DENND4C: variants seen among roughly 807,000 people sequenced by gnomAD.
DENND4C encodes DENN domain-containing protein 4C.
A neutral mutation model predicts 203.0 loss-of-function variants in DENND4C; 108 were observed. That is an observed-to-expected ratio of 0.53 (90% CI 0.46 to 0.62). DENND4C has a LOEUF of 0.62. Ranked by LOEUF, DENND4C falls within the 20% of genes least tolerant of loss-of-function variation. The pLI is 0.00. For synonymous variants in DENND4C, 871 were observed against 792.4 expected, an observed-to-expected ratio of 1.10 and a Z score of -1.67; for missense variants, 2,481 against 2,301.2, an observed-to-expected ratio of 1.08 and a Z score of -1.60.
intron 10 of DENND4C, among the ~76,000 whole-genome samples, chr9:19,306,587 TGTGAAG>T (rs1839700176): frequency 6.6e-6 from 1 of 152,112 alleles, no homozygotes. Context: ...AATGATTATT[TGTGAAG>T]TTAATACTCA....
intron 26 of DENND4C, among the ~76,000 whole-genome samples, chr9:19,353,525 G>A (rs1824662490): frequency 6.6e-6 from 1 of 152,206 alleles, no homozygotes; most frequent in South Asian, 2.1e-4. Flanking sequence ...GCACCCGGGA[G>A]GCTGAGGCAG....
intron 2 of DENND4C, among the ~76,000 whole-genome samples, chr9:19,283,421 G>T (rs1161431403): frequency 6.6e-6 from 1 of 152,014 alleles, no homozygotes; most frequent in Non-Finnish European, 1.5e-5. Flanking sequence ...ATACTCTAAA[G>T]TAATGATAAA....
At chr9:19,348,809 CATTTT>C (rs1238854537) in intron 23 of DENND4C, among the ~76,000 whole-genome samples, 10 of 151,782 alleles carry the variant, frequency 6.6e-5, no homozygotes, top group Non-Finnish European at 1.2e-4. Flanking sequence ...AAAAGTGTAT[CATTTT>C]ATTTTATTTT....
At chr9:19,258,118 A>G (rs1828434216) in intron 1 of DENND4C, among the ~76,000 whole-genome samples, 1 of 96,114 alleles carries the variant, frequency 1.0e-5, no homozygotes, top group Non-Finnish European at 2.3e-5. Flanking sequence ...ACCCTGTCTC[A>G]AAAAATCAAT....
intron 2 of DENND4C, among the ~76,000 whole-genome samples, chr9:19,280,012 A>G (rs1460532352): frequency 2.0e-5 from 2 of 100,122 alleles, no homozygotes; most frequent in Non-Finnish European, 4.4e-5. Flanking sequence ...TAGGAAATAT[A>G]GGAAAAAGAT....
At chr9:19,355,509 C>G (rs889279434) in intron 26 of DENND4C, among the ~76,000 whole-genome samples, 2 of 152,176 alleles carry the variant, frequency 1.3e-5, no homozygotes, top group Non-Finnish European at 2.9e-5. Context: ...ATGTAACAAT[C>G]CAGTTATCCC....
chr9:19,250,514 C>T (rs955399898), intron 1 of DENND4C, among the ~76,000 whole-genome samples: 11 of 152,040 alleles, frequency 7.2e-5, no homozygotes, highest in African/African-American at 1.4e-4. Flanking sequence ...AAACGTGAGT[C>T]GCTGCACCCG....
At chr9:19,343,416 C>G (rs1751144282) in intron 22 of DENND4C, among the ~76,000 whole-genome samples, 1 of 152,218 alleles carries the variant, frequency 6.6e-6, no homozygotes, top group South Asian at 2.1e-4. Flanking sequence ...GGCCTGCATC[C>G]TTTGCCCTTC....
chr9:19,311,276 A>G (rs1018302914), intron 10 of DENND4C, among the ~76,000 whole-genome samples: 4 of 152,044 alleles, frequency 2.6e-5, no homozygotes, highest in Non-Finnish European at 5.9e-5. Flanking sequence ...GGCATGCACC[A>G]TCATGCCTGG....
rs1169163440 is a variant in DENND4C at position 19,357,880 on chromosome 9, G to A, written c.4965-85G>A. 4.7e-6 allele frequency: 5 copies of A among 1,068,570 alleles called. No homozygotes were observed. The African/African-American group carries it at 4.8e-5, about 10-fold the overall frequency. The allele number at this position is 1,068,570 out of a possible 1,614,324, so 66.2% of individuals were successfully genotyped here. A position where few individuals can be genotyped will look rare whatever the true frequency, so the allele number is the denominator to read the frequency against. ...CTTAGATATATTTAGTAGACTCAAG[G>A]TCCATTGTAGAAAATACTCTAGCTC... On this transcript the variant is annotated intron_variant, in intron 27 of 32. Transcript: ENST00000434457.
At chr9:19,264,366 G>T (rs1285428942) in intron 1 of DENND4C, among the ~76,000 whole-genome samples, 2 of 151,996 alleles carry the variant, frequency 1.3e-5, no homozygotes, top group African/African-American at 4.8e-5. Flanking sequence ...GAATGCAGTG[G>T]CGCAATTTCG....
Position 19,373,426 on chromosome 9 carries a change from A to G in DENND4C, c.*1253A>G, listed in dbSNP as rs955655667. The G allele has an allele frequency of 6.5e-6, 1 of 152,784 alleles. No homozygotes were observed. Among genetic ancestry groups the G allele is most frequent in the Middle Eastern group, 3.4e-3 (1 of 294 alleles). The allele number at this position is 152,784 out of a possible 1,614,324, so 9.5% of individuals were successfully genotyped here. A position where few individuals can be genotyped will look rare whatever the true frequency, so the allele number is the denominator to read the frequency against. On this transcript the variant is annotated 3_prime_UTR_variant, in exon 33 of 33. Coordinates refer to ENST00000434457, the MANE Select transcript of DENND4C (RefSeq NM_001330640.2). ...GAACATGAAATCTTTTTTCAGGCAC[A>G]TACATTGTTGGTATTGATGACTTTT... is the stretch of plus-strand genomic sequence containing the variant.
At chr9:19,244,185 C>T (rs774576077) in intron 1 of DENND4C, among the ~76,000 whole-genome samples, 20 of 152,118 alleles carry the variant, frequency 1.3e-4, no homozygotes, top group Non-Finnish European at 2.8e-4. Flanking sequence ...TGCACACCAT[C>T]ACACCTGGCT....
In DENND4C at chr9:19,346,951, G is replaced by A. The variant is rs770067609; in HGVS notation, c.4182G>A (p.Leu1394=). 2.5e-6 allele frequency: 4 copies of A among 1,614,036 alleles called. No individual in the cohort carries two copies. The highest frequency in any genetic ancestry group is 2.7e-5 in the African/African-American group (2 of 74,912). The part of the protein sequence containing the change: ...HGSLGSVVNS[L]SGLKLDNILS... The stretch of plus-strand genomic sequence containing the variant: ...CGTTGGGTTCTGTAGTAAATTCTTT[G>A]TCAGGGCTAAAGCTGGATAATATAC... The change falls in exon 23 of 33, where the codon TTG becomes TTA. Residue 1394 remains leucine (L), a synonymous_variant. Transcript: ENST00000434457.
intron 19 of DENND4C, 54 bp from the exon 20 acceptor site, chr9:19,336,632 T>C: frequency 6.6e-7 from 1 of 1,513,850 alleles, no homozygotes; most frequent in African/African-American, 1.4e-5. Context: ...TCATGTTTAG[T>C]TTAAGAGATT....
At chr9:19,283,553 A>G (rs1220089975) in intron 2 of DENND4C, among the ~76,000 whole-genome samples, 1 of 151,356 alleles carries the variant, frequency 6.6e-6, no homozygotes, top group African/African-American at 2.4e-5. Context: ...ATTGTATAGT[A>G]TAATTTAAAC....
intron 1 of DENND4C, among the ~76,000 whole-genome samples, chr9:19,262,314 C>A (rs1421671837): frequency 6.6e-6 from 1 of 151,964 alleles, no homozygotes; most frequent in East Asian, 1.9e-4. Context: ...TCTTGAACTC[C>A]TGACCTCAGG....
chr9:19,270,141 A>G (rs1831332407), intron 1 of DENND4C, among the ~76,000 whole-genome samples: 1 of 152,088 alleles, frequency 6.6e-6, no homozygotes, highest in Non-Finnish European at 1.5e-5. Context: ...ATGCTGAGCT[A>G]CCTGGAGTTG....
intron 24 of DENND4C, 102 bp downstream of exon 24, chr9:19,350,981 T>C: frequency 8.0e-7 from 1 of 1,257,778 alleles, no homozygotes. Flanking sequence ...CAGGCTGGTC[T>C]CGAACTCCTG....
Sources: allele counts gnomAD v4.1 joint callset (sites outside exome capture counted in the v4.1 genomes callset), GRCh38; gene constraint gnomAD v4.1.1; transcripts MANE v1.5; gene names NCBI Gene and HGNC (gene_info 2026-07-23, HGNC 2026-07-21).